CELF2: variants seen among roughly 807,000 people sequenced by gnomAD.
CELF2 encodes the protein CUG triplet repeat RNA-binding protein 2.
Under a neutral mutation model 62.6 loss-of-function variants are expected in CELF2, and 8 were observed. That is an observed-to-expected ratio of 0.13 (90% CI 0.07 to 0.23). CELF2 has a LOEUF of 0.23. CELF2 is among the 10% of genes least tolerant of loss of function. CELF2 has a pLI of 1.00. For missense variants in CELF2, 333 were observed against 671.0 expected (o/e 0.50, Z 5.56); for synonymous variants, 258 against 250.0 (o/e 1.03, Z -0.30).
chr10:11,103,151 A>T (rs1326754730), intron 1 of CELF2, among the ~76,000 whole-genome samples: 1 of 152,262 alleles, frequency 6.6e-6, no homozygotes, highest in Non-Finnish European at 1.5e-5. Flanking sequence ...TGACTTCTGT[A>T]CATTCTTCAC....
At chr10:10,935,357 G>C (rs1489951858) in intron 2 of CELF2, 1 of 152,146 alleles carries the variant, frequency 6.6e-6, no homozygotes, top group Non-Finnish European at 1.5e-5. Flanking sequence ...AGACATTGTA[G>C]CTATTCATTT....
At chr10:11,050,828 A>G (rs1231744145) in intron 1 of CELF2, among the ~76,000 whole-genome samples, 1 of 152,180 alleles carries the variant, frequency 6.6e-6, no homozygotes, top group Non-Finnish European at 1.5e-5. Flanking sequence ...CCTTGCATGC[A>G]GAGCTCTGCA....
the CELF2 span, chr10:10,786,785 G>C: frequency 6.6e-6 from 1 of 152,278 alleles, no homozygotes; most frequent in African/African-American, 2.4e-5. Context: ...AAATCTGAAA[G>C]ACAGTGAATT....
the CELF2 span, among the ~76,000 whole-genome samples, chr10:10,483,679 T>C: frequency 1.3e-5 from 2 of 152,164 alleles, no homozygotes; most frequent in Non-Finnish European, 2.9e-5. Context: ...ATCAATTTTA[T>C]TTTCTAAACT....
chr10:10,550,839 C>T, the CELF2 span, among the ~76,000 whole-genome samples: 2 of 152,118 alleles, frequency 1.3e-5, no homozygotes, highest in African/African-American at 4.8e-5. Context: ...GCTGGGATTA[C>T]AGGCATGAGC....
intron 2 of CELF2, among the ~76,000 whole-genome samples, chr10:10,924,281 CAAAAAA>C (rs11415164): frequency 6.4e-3 from 287 of 44,962 alleles, no homozygotes; most frequent in Non-Finnish European, 8.6e-3. Context: ...GACTCCGTCC[CAAAAAA>C]AAAAAAAAAA....
At chr10:10,798,764 A>G in exon 1 of CELF2, 2 of 398,766 alleles carry the variant, frequency 5.0e-6, no homozygotes, top group Admixed American at 4.4e-5. Flanking sequence ...GCTCCTAGAC[A>G]ATGGTTTCCT....
At chr10:11,028,473 G>GA (rs1156364690) in intron 1 of CELF2, among the ~76,000 whole-genome samples, 7 of 147,864 alleles carry the variant, frequency 4.7e-5, no homozygotes, top group African/African-American at 1.8e-4. Flanking sequence ...AGGCTGAAGT[G>GA]CAGTGGCGCG....
rs897755527 is a variant in CELF2 at position 11,296,259 on chromosome 10, G to A, written c.976+7707G>A. On this transcript the variant is annotated intron_variant, in intron 9 of 12. Coordinates refer to ENST00000633077, the MANE Select transcript of CELF2 (RefSeq NM_001326342.2). The surrounding 1 kb of genome is among the most constrained non-coding windows in gnomAD (Gnocchi z 5.0). ...GTATTTGCTTTTTGCTGTTGGTGGC[G>A]CTGGACTCTGTGCTAAGTGTGATTT... Among the ~76,000 whole-genome samples, 1 of 152,158 alleles carries A rather than the reference G, an allele frequency of 6.6e-6. No individual in the cohort carries two copies. Among genetic ancestry groups the A allele is most frequent in the Non-Finnish European group, 1.5e-5 (1 of 68,034 alleles).
chr10:10,468,268 A>C, the CELF2 span, among the ~76,000 whole-genome samples: 1 of 151,958 alleles, frequency 6.6e-6, no homozygotes, highest in Non-Finnish European at 1.5e-5. Flanking sequence ...CAAAGTCAAC[A>C]AGCAAAATGG....
chr10:11,055,329 A>G (rs1193252831), intron 1 of CELF2, among the ~76,000 whole-genome samples: 1 of 152,226 alleles, frequency 6.6e-6, no homozygotes, highest in Non-Finnish European at 1.5e-5. Context: ...TGTATCTAGT[A>G]CTACAGTTTC....
the CELF2 span, among the ~76,000 whole-genome samples, chr10:10,592,082 A>G: frequency 1.3e-5 from 2 of 152,370 alleles, no homozygotes; most frequent in African/African-American, 4.8e-5. Context: ...CCTATTTATA[A>G]AAGGAAATTA....
chr10:10,525,169 C>A, the CELF2 span, among the ~76,000 whole-genome samples: 3 of 152,112 alleles, frequency 2.0e-5, no homozygotes, highest in Admixed American at 6.6e-5. Flanking sequence ...TAGCAATTTT[C>A]AAGTATATCA....
the CELF2 span, among the ~76,000 whole-genome samples, chr10:10,585,293 G>A: frequency 1.1e-4 from 17 of 152,066 alleles, no homozygotes; most frequent in Non-Finnish European, 1.5e-4. Context: ...CTAAGTCTGC[G>A]GACAAGAAAA....
chr10:10,840,875 T>C (rs2058636213), intron 1 of CELF2, among the ~76,000 whole-genome samples: 1 of 152,098 alleles, frequency 6.6e-6, no homozygotes, highest in Non-Finnish European at 1.5e-5. Context: ...CGGTGTGTGA[T>C]GTTCTCCTCC....
intron 9 of CELF2, among the ~76,000 whole-genome samples, chr10:11,304,975 G>A (rs1015406830): frequency 2.0e-5 from 3 of 152,174 alleles, no homozygotes; most frequent in Non-Finnish European, 4.4e-5. Context: ...ACCTATCCAG[G>A]AATGGCGCTG....
chr10:11,068,390 G>T (rs2068727459), intron 1 of CELF2, among the ~76,000 whole-genome samples: 2 of 152,162 alleles, frequency 1.3e-5, no homozygotes, highest in Non-Finnish European at 2.9e-5. Flanking sequence ...ATATCTTAAA[G>T]GTGAAGAGCT....
intron 1 of CELF2, among the ~76,000 whole-genome samples, chr10:10,830,485 A>G (rs776985768): frequency 2.0e-5 from 3 of 152,198 alleles, no homozygotes; most frequent in Non-Finnish European, 4.4e-5. Flanking sequence ...AATGAAGCCA[A>G]GTTTGATTCG....
chr10:11,207,974 C>T lies in CELF2; in HGVS notation c.272-9451C>T, dbSNP rs192885357. Reference sequence around the variant, plus strand: ...GGTTATAAAGAGACATTTTAGGTGACATGAACAGAGTGTGAAGCAGATCTT... The same window carrying T: ...GGTTATAAAGAGACATTTTAGGTGATATGAACAGAGTGTGAAGCAGATCTT... On this transcript the variant is annotated intron_variant, in intron 2 of 12. Coordinates refer to ENST00000633077, the MANE Select transcript of CELF2 (RefSeq NM_001326342.2). This position sits in a 1 kb window ranked among gnomAD's most constrained non-coding sequence, Gnocchi z 4.1. Among the ~76,000 whole-genome samples the T allele has an allele frequency of 4.6e-5, 7 of 152,292 alleles. No homozygotes were observed. The highest frequency in any genetic ancestry group is 1.7e-4 in the African/African-American group (7 of 41,552).
Sources: allele counts gnomAD v4.1 joint callset (sites outside exome capture counted in the v4.1 genomes callset), GRCh38; gene constraint gnomAD v4.1.1; non-coding constraint Gnocchi (gnomAD v3.1); transcripts MANE v1.5; gene names NCBI Gene and HGNC (gene_info 2026-07-23, HGNC 2026-07-21).